The following DPP10 variants were observed in gnomAD, a reference collection of about 807,000 sequenced individuals.
DPP10 encodes inactive dipeptidyl peptidase 10.
Under a neutral mutation model 120.9 loss-of-function variants are expected in DPP10, and 33 were observed. That is an observed-to-expected ratio of 0.27 (90% CI 0.21 to 0.37). DPP10 has a LOEUF of 0.37. DPP10 is among the 10% of genes least tolerant of loss of function. The probability of loss-of-function intolerance (pLI) is 1.00; values close to 1 mark genes in which losing one functional copy is unlikely to be tolerated. For missense variants in DPP10, 816 were observed against 942.8 expected (o/e 0.87, Z 1.76); for synonymous variants, 337 against 326.1 (o/e 1.03, Z -0.36).
intron 1 of DPP10, among the ~76,000 whole-genome samples, chr2:115,303,496 C>A (rs973995315): frequency 6.6e-6 from 1 of 151,818 alleles, no homozygotes; most frequent in African/African-American, 2.4e-5. Context: ...ATTCCTTTTT[C>A]ATTCTAGATT....
At chr2:115,815,583 G>A (rs900638711) in intron 20 of DPP10, 92 bp from the exon 21 acceptor site, 65 of 1,078,496 alleles carry the variant, frequency 6.0e-5, no homozygotes, top group Admixed American at 1.0e-4. Flanking sequence ...CTAGTCATTA[G>A]CTATTGTTTT....
At chr2:115,492,450 G>A (rs1033984576) in intron 3 of DPP10, among the ~76,000 whole-genome samples, 1 of 152,100 alleles carries the variant, frequency 6.6e-6, no homozygotes, top group Admixed American at 6.5e-5. Context: ...TGAATTGAGG[G>A]ATGTGAGTGC....
chr2:114,498,657 CA>C (rs1346241177), intron 1 of DPP10, among the ~76,000 whole-genome samples: 1 of 152,084 alleles, frequency 6.6e-6, no homozygotes, highest in African/African-American at 2.4e-5. Flanking sequence ...GAAATTGGGC[CA>C]AACTAATTAT....
intron 1 of DPP10, among the ~76,000 whole-genome samples, chr2:114,739,234 A>G (rs1677779284): frequency 6.6e-6 from 1 of 152,180 alleles, no homozygotes; most frequent in Non-Finnish European, 1.5e-5. Context: ...GGGATTTTCT[A>G]ACACCTCTTT....
chr2:115,354,826 T>A (rs2106322969), intron 3 of DPP10, among the ~76,000 whole-genome samples: 1 of 152,222 alleles, frequency 6.6e-6, no homozygotes, highest in Admixed American at 6.5e-5. Flanking sequence ...CTGTGTTAGT[T>A]TGCTGAGGAT....
At chr2:115,685,976 C>A (rs184822043) in intron 5 of DPP10, among the ~76,000 whole-genome samples, 21 of 152,156 alleles carry the variant, frequency 1.4e-4, no homozygotes, top group Middle Eastern at 6.8e-3. Flanking sequence ...CAAATCTACT[C>A]CTGGGTCTTT....
intron 1 of DPP10, among the ~76,000 whole-genome samples, chr2:114,494,115 A>C (rs12994305): frequency 7.7e-5 from 11 of 142,620 alleles, no homozygotes; most frequent in East Asian, 2.1e-4. Context: ...AAAAAAAAAA[A>C]AAAAAACCCA....
intron 7 of DPP10, among the ~76,000 whole-genome samples, chr2:115,698,472 A>G (rs2091713760): frequency 6.6e-6 from 1 of 152,180 alleles, no homozygotes; most frequent in Non-Finnish European, 1.5e-5. Flanking sequence ...TTTGTTGGAG[A>G]TAAAAGTTTT....
intron 1 of DPP10, among the ~76,000 whole-genome samples, chr2:115,266,919 A>T (rs1050235441): frequency 2.6e-5 from 4 of 152,176 alleles, no homozygotes; most frequent in African/African-American, 9.7e-5. Context: ...AGAATTGGAT[A>T]AATTATGTTA....
intron 1 of DPP10, among the ~76,000 whole-genome samples, chr2:114,805,081 CA>C (rs935596010): frequency 1.1e-4 from 17 of 152,188 alleles, no homozygotes; most frequent in African/African-American, 3.6e-4. Flanking sequence ...ATGGGTTTAT[CA>C]GGGGTTTCCA....
chr2:115,298,548 C>T (rs985588548), intron 1 of DPP10, among the ~76,000 whole-genome samples: 4 of 151,982 alleles, frequency 2.6e-5, no homozygotes, highest in Non-Finnish European at 5.9e-5. Flanking sequence ...TTGCTCAGTC[C>T]TTCCCTCCCC....
intron 1 of DPP10, among the ~76,000 whole-genome samples, chr2:114,539,402 T>C (rs1043867117): frequency 3.3e-5 from 5 of 152,146 alleles, no homozygotes; most frequent in Admixed American, 3.3e-4. Context: ...TCCTATCATC[T>C]TAAGATAAAA....
intron 1 of DPP10, among the ~76,000 whole-genome samples, chr2:114,902,991 T>A (rs1457350268): frequency 1.3e-5 from 2 of 152,212 alleles, no homozygotes; most frequent in Admixed American, 1.3e-4. Context: ...AAACCACTAA[T>A]CTTTTTATTA....
intron 5 of DPP10, among the ~76,000 whole-genome samples, chr2:115,673,257 G>A (rs1315695815): frequency 6.6e-6 from 1 of 152,024 alleles, no homozygotes; most frequent in Non-Finnish European, 1.5e-5. Flanking sequence ...TTATTATTCA[G>A]CTGGCTATCT....
chr2:114,677,953 A>G lies in DPP10; in HGVS notation c.60+235115A>G, dbSNP rs140168850. On this transcript the variant is annotated intron_variant, in intron 1 of 25. Transcript: ENST00000410059. Reference sequence around the variant, plus strand: ...TTTACATGTGATTTATAAAATAAATATTCCACAAAGTGAAAGATATGGAGT... The same window carrying G: ...TTTACATGTGATTTATAAAATAAATGTTCCACAAAGTGAAAGATATGGAGT... Among the ~76,000 whole-genome samples the G allele has an allele frequency of 5.6e-3, 858 of 152,282 alleles. 6 individuals are homozygous for G. The highest frequency in any genetic ancestry group is 9.7e-3 in the Non-Finnish European group (662 of 68,016).
At chr2:115,549,601 A>G (rs533209831) in intron 5 of DPP10, among the ~76,000 whole-genome samples, 18 of 152,114 alleles carry the variant, frequency 1.2e-4, no homozygotes, top group African/African-American at 4.1e-4. Context: ...CTCTATCTTT[A>G]TTCACCGGGA....
chr2:114,897,294 T>C (rs564147609), intron 1 of DPP10, among the ~76,000 whole-genome samples: 19 of 152,296 alleles, frequency 1.2e-4, no homozygotes, highest in African/African-American at 4.3e-4. Context: ...TTTATTGGAA[T>C]AGTTTCAGAA....
chr2:115,022,348 A>G (rs1295950446), intron 1 of DPP10, among the ~76,000 whole-genome samples: 3 of 152,134 alleles, frequency 2.0e-5, no homozygotes, highest in Non-Finnish European at 4.4e-5. Context: ...GCGAATCAGT[A>G]GCTCTTCTAC....
At chr2:115,560,946 G>A (rs2080617894) in intron 5 of DPP10, among the ~76,000 whole-genome samples, 1 of 152,112 alleles carries the variant, frequency 6.6e-6, no homozygotes, top group Admixed American at 6.6e-5. Context: ...TCAAGTGAAA[G>A]TGAAAGAGCA....
Sources: gnomAD v4.1 joint callset for allele counts (sites outside exome capture counted in the v4.1 genomes callset) on GRCh38, gnomAD v4.1.1 for gene constraint, MANE v1.5 for transcripts, NCBI Gene and HGNC (gene_info 2026-07-23, HGNC 2026-07-21) for gene names.